The following PCDHAC1 variants were observed in gnomAD, a reference collection of about 807,000 sequenced individuals.
The protein encoded by PCDHAC1 is protocadherin alpha subfamily C, 1, also known as protocadherin alpha-C1.
In PCDHAC1, 42 loss-of-function variants were observed where a neutral mutation model predicts 60.0. The ratio of observed to expected loss-of-function variants is 0.70; its 90% CI spans 0.55 to 0.90. PCDHAC1 has a LOEUF of 0.90. Among genes scored for constraint, PCDHAC1 ranks in the 40% least tolerant of loss-of-function variants. The probability of loss-of-function intolerance (pLI) is 0.00; values close to 1 mark genes in which losing one functional copy is unlikely to be tolerated. For missense variants in PCDHAC1, 1,160 were observed against 1,222.3 expected, an observed-to-expected ratio of 0.95 and a Z score of 0.76; for synonymous variants, 468 against 499.3, an observed-to-expected ratio of 0.94 and a Z score of 0.84.
At chr5:140,989,744 T>C (rs1354218140) in intron 3 of PCDHAC1, among the ~76,000 whole-genome samples, 1 of 152,200 alleles carries the variant, frequency 6.6e-6, no homozygotes, top group Non-Finnish European at 1.5e-5. Context: ...CATTGCCTAA[T>C]CTGGAGAAAC....
chr5:140,967,066 C>T (rs782715200), intron 1 of PCDHAC1: 4 of 1,612,790 alleles, frequency 2.5e-6, no homozygotes, highest in African/African-American at 1.3e-5. Flanking sequence ...GAGCGCTCTT[C>T]GTCAACGAGC....
rs79307553 is a variant in PCDHAC1, at chr5:140,974,500, T to G, written c.2434-4449T>G. ...ACCCAGAATTCTCAAATGTATTACC[T>G]TTGTGTTTTATTTTATTTTAGTTTT... is the stretch of plus-strand genomic sequence containing the variant. On this transcript the variant is annotated intron_variant, in intron 1 of 3. Transcript: ENST00000253807. 8.7e-3 allele frequency among the ~76,000 whole-genome samples: 1,326 copies of G among 152,308 alleles called. 23 individuals carry two copies. Among genetic ancestry groups the G allele is most frequent in the African/African-American group, 0.03 (1,239 of 41,564 alleles).
rs1554262808 is a variant in PCDHAC1, at chr5:141,010,232, A to T, written c.*295A>T. On this transcript the variant is annotated 3_prime_UTR_variant, in exon 4 of 4. Coordinates refer to ENST00000253807, the MANE Select transcript of PCDHAC1 (RefSeq NM_018898.5). ...AAAGGAGAGGCTTCCCAGCCCCGCC[A>T]GTGAGAGGTTGGACTCTCTGCCCTG... 6.4e-7 allele frequency: 1 copy of T among 1,551,952 alleles called. No homozygotes were observed. The highest frequency in any genetic ancestry group is 2.0e-5 in the Admixed American group (1 of 51,018).
At position 140,927,036 on chromosome 5, in the gene PCDHAC1, C is replaced by A. The variant is rs137875923; in HGVS notation, c.144C>A (p.Ala48=). Residue 48 remains alanine (A), a synonymous_variant, in exon 1 of 4, where the codon GCC becomes GCA. Transcript: ENST00000253807. ...NLSADLRLPA[A]AMSSRNFRFL... is the part of the protein sequence containing the mutation. ...CCGCGGACTTGAGGCTGCCAGCGGC[C>A]GCTATGTCCTCGCGGAACTTTCGCT... 9.3e-6 allele frequency: 15 copies of A among 1,612,314 alleles called. No homozygotes were observed. In the East Asian group the frequency reaches 3.3e-4, roughly 36 times the overall value.
At chr5:140,965,143 G>A (rs1451263269) in intron 1 of PCDHAC1, among the ~76,000 whole-genome samples, 1 of 152,230 alleles carries the variant, frequency 6.6e-6, no homozygotes, top group Admixed American at 6.5e-5. Context: ...AGAATACTGG[G>A]AGATGAAGAG....
At chr5:141,005,093 G>A (rs1441843884) in intron 3 of PCDHAC1, among the ~76,000 whole-genome samples, 1 of 152,172 alleles carries the variant, frequency 6.6e-6, no homozygotes, top group East Asian at 1.9e-4. Flanking sequence ...TACTTTACAT[G>A]CATTACATCA....
At chr5:140,967,845 A>T in intron 1 of PCDHAC1, 1 of 1,614,160 alleles carries the variant, frequency 6.2e-7, no homozygotes, top group Non-Finnish European at 8.5e-7. Context: ...GACGTGAATG[A>T]CAATGCCCCA....
At chr5:140,967,909 C>A in intron 1 of PCDHAC1, 1 of 1,614,206 alleles carries the variant, frequency 6.2e-7, no homozygotes, top group Non-Finnish European at 8.5e-7. Flanking sequence ...CTACACCCAA[C>A]ACCATTGTGG....
chr5:140,927,095 TG>T lies in PCDHAC1; in HGVS notation c.205del (p.Asp69IlefsTer27). On this transcript the variant is annotated frameshift_variant, in exon 1 of 4. Transcript: ENST00000253807. LOFTEE classifies it high-confidence loss of function. The part of the protein sequence containing the change: ...LSSHRELYFG[V>X]DLPSGNLVVR... ...AGCCACCGCGAGCTCTACTTCGGGG[TG>T]GATCTACCCAGCGGCAATTTGGTGG... 1 of 1,612,210 alleles carries T rather than the reference TG, an allele frequency of 6.2e-7. No individual in the cohort carries two copies. Among genetic ancestry groups the T allele is most frequent in the Non-Finnish European group, 8.5e-7 (1 of 1,178,692 alleles).
chr5:140,978,721 A>C (rs2096819896), intron 1 of PCDHAC1, among the ~76,000 whole-genome samples: 1 of 152,236 alleles, frequency 6.6e-6, no homozygotes, highest in African/African-American at 2.4e-5. Flanking sequence ...CAAGATTATT[A>C]AATCTGGTCT....
rs1554217734 is a variant in PCDHAC1, at chr5:140,946,611, AATATATAT to A, written c.2433+17300_2433+17307del. Among the ~76,000 whole-genome samples, 24 of 86,806 alleles carry A rather than the reference AATATATAT, an allele frequency of 2.8e-4. 1 individual carries two copies. Among genetic ancestry groups the A allele is most frequent in the African/African-American group, 1.5e-3 (23 of 15,698 alleles). 56.9% of individuals were successfully genotyped at this position (86,806 alleles called of 152,430 possible). On this transcript the variant is annotated intron_variant, in intron 1 of 3. Coordinates refer to ENST00000253807, the MANE Select transcript of PCDHAC1 (RefSeq NM_018898.5). ...GGATGAATAGATAAAGAAAATGTGA[AATATATAT>A]ATATATATATATACAATGGAATACT... is the stretch of plus-strand genomic sequence containing the variant.
intron 1 of PCDHAC1, among the ~76,000 whole-genome samples, chr5:140,937,785 G>A (rs962276976): frequency 7.3e-5 from 11 of 150,436 alleles, no homozygotes; most frequent in Non-Finnish European, 1.3e-4. Flanking sequence ...GGTGGCGGGC[G>A]TATGTAGTCC....
chr5:140,998,755 A>G (rs940678929), intron 3 of PCDHAC1, among the ~76,000 whole-genome samples: 2 of 152,062 alleles, frequency 1.3e-5, no homozygotes, highest in African/African-American at 4.8e-5. Flanking sequence ...GAAGAGACAC[A>G]GTTTCACTAT....
chr5:140,969,547 A>C, intron 1 of PCDHAC1: 10 of 1,244,334 alleles, frequency 8.0e-6, no homozygotes, highest in Non-Finnish European at 9.8e-6. Flanking sequence ...AGAGGCATGA[A>C]GCCTTGTCCA....
At position 141,003,207 on chromosome 5, in the gene PCDHAC1, T is replaced by C. The variant is rs141066841; in HGVS notation, c.2582-6420T>C. On this transcript the variant is annotated intron_variant, in intron 3 of 3. Coordinates refer to ENST00000253807, the MANE Select transcript of PCDHAC1 (RefSeq NM_018898.5). Reference sequence around the variant, plus strand: ...CATCAACTCAGGCAGCCAGGGTTAGTTTAGCATGAAAGAGGAAAGCTGGAA... The same window carrying C: ...CATCAACTCAGGCAGCCAGGGTTAGCTTAGCATGAAAGAGGAAAGCTGGAA... Among the ~76,000 whole-genome samples the C allele has an allele frequency of 6.3e-3, 959 of 152,338 alleles. 16 individuals carry two copies. The highest frequency in any genetic ancestry group is 0.021 in the African/African-American group (892 of 41,582).
chr5:140,929,302 G>T lies in PCDHAC1; in HGVS notation c.2410G>T (p.Asp804Tyr). The change falls in exon 1 of 4, where the codon GAT becomes TAT. Residue 804 changes from aspartate (D) to tyrosine (Y), a missense_variant. By Grantham distance (160) the Asp-to-Tyr change is radical. Transcript: ENST00000253807. ...SCIQIRNRKG[D>Y]HANVNAMPRQ... The stretch of plus-strand genomic sequence containing the variant: ...TATTCAGATTCGGAATAGGAAAGGG[G>T]ATCACGCTAATGTCAATGCCATGGT... The T allele has an allele frequency of 6.3e-7, 1 of 1,587,714 alleles. No individual in the cohort carries two copies. The highest frequency in any genetic ancestry group is 1.7e-5 in the Admixed American group (1 of 58,184).
chr5:140,968,994 G>A lies in PCDHAC1; in HGVS notation c.2434-9955G>A. 6.2e-7 allele frequency: 1 copy of A among 1,614,216 alleles called. No individual in the cohort carries two copies. The highest frequency in any genetic ancestry group is 8.5e-7 in the Non-Finnish European group (1 of 1,180,038). On this transcript the variant is annotated intron_variant, in intron 1 of 3. Transcript: ENST00000253807. ...ACTGCGTATGGCACTGCATGCTGTG[G>A]AGGCTTCTGTGGAGTAAGGGAAAGG...
intron 1 of PCDHAC1, among the ~76,000 whole-genome samples, chr5:140,953,994 A>G (rs1464982369): frequency 6.6e-6 from 1 of 151,886 alleles, no homozygotes; most frequent in Non-Finnish European, 1.5e-5. Flanking sequence ...TTTCATGTGT[A>G]CTCATCATTC....
chr5:140,984,138 G>A (rs1476039645), intron 3 of PCDHAC1, among the ~76,000 whole-genome samples: 1 of 152,194 alleles, frequency 6.6e-6, no homozygotes, highest in East Asian at 1.9e-4. Flanking sequence ...GGATGTGGAG[G>A]CATCTGGGAA....
Sources: gnomAD v4.1 joint callset for allele counts (sites outside exome capture counted in the v4.1 genomes callset) on GRCh38, gnomAD v4.1.1 for gene constraint, MANE v1.5 for transcripts, NCBI Gene and HGNC (gene_info 2026-07-23, HGNC 2026-07-21) for gene names.